The following DOCK2 variants were observed in gnomAD, a reference collection of about 807,000 sequenced individuals.
DOCK2 encodes the protein dedicator of cytokinesis protein 2.
In DOCK2, 87 loss-of-function variants were observed where a neutral mutation model predicts 248.9. That is an observed-to-expected ratio of 0.35 (90% CI 0.29 to 0.42). The LOEUF is 0.42. DOCK2 is among the 10% of genes least tolerant of loss of function. The pLI is 1.00. For missense variants in DOCK2, 1,747 were observed against 2,300.2 expected, an observed-to-expected ratio of 0.76 and a Z score of 4.92; for synonymous variants, 805 against 821.6, an observed-to-expected ratio of 0.98 and a Z score of 0.35.
chr5:170,070,620 A>G (rs1757648893), intron 46 of DOCK2, among the ~76,000 whole-genome samples: 2 of 152,298 alleles, frequency 1.3e-5, no homozygotes, highest in Non-Finnish European at 2.9e-5. Context: ...GGAAGCAGGA[A>G]GGCCAGGCTT....
rs1761909507 is a variant in DOCK2, at chr5:169,716,250, T to C, written c.1979T>C (p.Met660Thr). The change falls in exon 20 of 52, where the codon ATG becomes ACG. Residue 660 changes from methionine to threonine, a missense_variant. Physicochemically the swap from Met to Thr is moderately conservative, Grantham distance 81 (BLOSUM62 -1). Transcript: ENST00000520908. Reference protein sequence around the residue: ...QDTLDALFNIMMEHSQSDEYD... With the variant: ...QDTLDALFNITMEHSQSDEYD... ...ACTCTGGATGCCCTCTTCAACATCA[T>C]GATGGAGCATTCTCAAAGTGATGAA... is the stretch of plus-strand genomic sequence containing the variant. 1 of 1,613,820 alleles carries C rather than the reference T, an allele frequency of 6.2e-7. No individual in the cohort carries two copies. Among genetic ancestry groups the C allele is most frequent in the Non-Finnish European group, 8.5e-7 (1 of 1,179,748 alleles).
chr5:169,884,233 G>T (rs1284102252), intron 27 of DOCK2: 1 of 194,324 alleles, frequency 5.1e-6, no homozygotes, highest in African/African-American at 2.3e-5. Flanking sequence ...CTGGCACGCG[G>T]TTCTGATCTT....
intron 22 of DOCK2, among the ~76,000 whole-genome samples, chr5:169,719,303 C>A (rs1347014545): frequency 1.3e-5 from 2 of 152,176 alleles, no homozygotes; most frequent in Non-Finnish European, 2.9e-5. Flanking sequence ...CAGAGGCCAG[C>A]TGCCTTTTTG....
chr5:169,663,708 A>G (rs917673443), intron 2 of DOCK2, among the ~76,000 whole-genome samples: 4 of 152,234 alleles, frequency 2.6e-5, no homozygotes, highest in Non-Finnish European at 5.9e-5. Context: ...CTGGAGGTGG[A>G]GTGGCTGGCA....
At chr5:170,039,198 A>C (rs912019676) in intron 36 of DOCK2, among the ~76,000 whole-genome samples, 5 of 152,210 alleles carry the variant, frequency 3.3e-5, no homozygotes, top group African/African-American at 1.2e-4. Context: ...TGAATGAATG[A>C]ATGAACAAAT....
At chr5:170,008,415 A>C in intron 30 of DOCK2, 82 bp from the exon 31 acceptor site, 2 of 1,438,976 alleles carry the variant, frequency 1.4e-6, no homozygotes, top group Non-Finnish European at 9.7e-7. Context: ...TGCCATCTTC[A>C]TAAATTATTC....
At chr5:170,063,062 G>A (rs950606160) in intron 44 of DOCK2, among the ~76,000 whole-genome samples, 1 of 152,144 alleles carries the variant, frequency 6.6e-6, no homozygotes, top group Non-Finnish European at 1.5e-5. Flanking sequence ...TTCCACCCAA[G>A]GGCTATATTC....
chr5:169,684,112 A>G (rs1759821640), intron 7 of DOCK2, 84 bp from the exon 8 acceptor site: 4 of 1,542,166 alleles, frequency 2.6e-6, no homozygotes, highest in African/African-American at 2.7e-5. Flanking sequence ...CTTGAACCCA[A>G]TATCCTTGAC....
At chr5:170,002,960 T>C (rs1276614002) in intron 30 of DOCK2, among the ~76,000 whole-genome samples, 1 of 152,170 alleles carries the variant, frequency 6.6e-6, no homozygotes, top group Non-Finnish European at 1.5e-5. Flanking sequence ...CTTTGAAGAA[T>C]TTCTCTGACA....
intron 30 of DOCK2, among the ~76,000 whole-genome samples, chr5:170,005,249 C>G (rs1475161714): frequency 6.6e-6 from 1 of 151,974 alleles, no homozygotes; most frequent in African/African-American, 2.4e-5. Flanking sequence ...AGTTTCCAGG[C>G]AGTTTGTAGC....
intron 22 of DOCK2, among the ~76,000 whole-genome samples, chr5:169,739,658 A>G (rs1763209707): frequency 6.6e-6 from 1 of 152,136 alleles, no homozygotes; most frequent in African/African-American, 2.4e-5. Flanking sequence ...CTGGCAAGCC[A>G]TTTTTTTCTG....
chr5:169,842,262 C>G (rs960925153), intron 27 of DOCK2, among the ~76,000 whole-genome samples: 1 of 152,206 alleles, frequency 6.6e-6, no homozygotes, highest in African/African-American at 2.4e-5. Context: ...GTGCCAGATA[C>G]TCTTGCTTTT....
intron 26 of DOCK2, among the ~76,000 whole-genome samples, chr5:169,825,514 G>A (rs915534412): frequency 7.4e-5 from 11 of 148,286 alleles, no homozygotes; most frequent in South Asian, 2.1e-4. Flanking sequence ...GCAAACTATC[G>A]CAAGGACAAA....
rs181277513 is a variant in DOCK2, at chr5:169,843,517, G to A, written c.2799+2665G>A. Among the ~76,000 whole-genome samples the A allele has an allele frequency of 2.4e-4, 37 of 152,264 alleles. No individual in the cohort carries two copies. In the East Asian group the frequency reaches 5.0e-3, roughly 21 times the overall value. On this transcript the variant is annotated intron_variant, in intron 27 of 51. Transcript: ENST00000520908. ...AGCCTGGGTGATAGAGTGAGACTCC[G>A]TCTCAAAATAAACAAATAAACAAAT...
At chr5:170,077,430 G>A (rs1757872754) in intron 47 of DOCK2, among the ~76,000 whole-genome samples, 1 of 152,136 alleles carries the variant, frequency 6.6e-6, no homozygotes, top group African/African-American at 2.4e-5. Context: ...ATAAAATCAA[G>A]TATGGTCAAG....
At chr5:169,678,604 G>A (rs946899287) in intron 6 of DOCK2, among the ~76,000 whole-genome samples, 5 of 152,050 alleles carry the variant, frequency 3.3e-5, no homozygotes, top group Non-Finnish European at 7.4e-5. Context: ...TGAGATCCTC[G>A]GTTACACTTT....
intron 47 of DOCK2, among the ~76,000 whole-genome samples, chr5:170,076,620 G>A (rs12054667): frequency 6.6e-6 from 1 of 152,272 alleles, no homozygotes; most frequent in East Asian, 1.9e-4. Context: ...CTTACGGGGT[G>A]CTTCTTCATC....
intron 41 of DOCK2, among the ~76,000 whole-genome samples, chr5:170,052,989 G>A (rs1434534273): frequency 6.6e-6 from 1 of 152,224 alleles, no homozygotes; most frequent in Admixed American, 6.5e-5. Context: ...CTGATAAGCA[G>A]TCTGAGAGGG....
chr5:169,906,821 G>A (rs1284768441), intron 27 of DOCK2, among the ~76,000 whole-genome samples: 1 of 152,220 alleles, frequency 6.6e-6, no homozygotes, highest in Non-Finnish European at 1.5e-5. Context: ...AAAGTCTATA[G>A]GGAAATTAGG....
Sources: allele counts gnomAD v4.1 joint callset (sites outside exome capture counted in the v4.1 genomes callset), GRCh38; gene constraint gnomAD v4.1.1; transcripts MANE v1.5; gene names NCBI Gene and HGNC (gene_info 2026-07-23, HGNC 2026-07-21).